EYS: variants seen among roughly 807,000 people sequenced by gnomAD.
The protein encoded by EYS is protein eyes shut homolog.
In EYS, 250 loss-of-function variants were observed where a neutral mutation model predicts 282.1. That is an observed-to-expected ratio of 0.89 (90% CI 0.80 to 0.98). The LOEUF (loss-of-function observed/expected upper bound fraction) is 0.98. EYS is among the 50% of genes least tolerant of loss of function. The pLI, the probability that EYS is intolerant of heterozygous loss-of-function variation, is 0.00. For synonymous variants in EYS, 1,355 were observed against 1,282.9 expected (o/e 1.06, Z -1.20); for missense variants, 4,016 against 3,709.0 (o/e 1.08, Z -2.15).
chr6:64,005,816 A>G (rs956251545), intron 33 of EYS, among the ~76,000 whole-genome samples: 1 of 151,810 alleles, frequency 6.6e-6, no homozygotes, highest in Non-Finnish European at 1.5e-5. Context: ...ATTCTGTTCC[A>G]TTGGTCTTTG....
At chr6:65,606,666 T>C (rs1376105224) in intron 2 of EYS, among the ~76,000 whole-genome samples, 2 of 151,776 alleles carry the variant, frequency 1.3e-5, no homozygotes, top group Non-Finnish European at 3.0e-5. Flanking sequence ...CTTTACAACA[T>C]CTGAACAATT....
At chr6:64,881,099 T>C (rs974453177) in intron 19 of EYS, among the ~76,000 whole-genome samples, 73 of 151,910 alleles carry the variant, frequency 4.8e-4, no homozygotes, top group Admixed American at 1.8e-3. Context: ...TTGTCCATCC[T>C]GATTACTGCA....
intron 22 of EYS, among the ~76,000 whole-genome samples, chr6:64,656,672 C>T (rs953854791): frequency 6.6e-6 from 1 of 152,084 alleles, no homozygotes; most frequent in Non-Finnish European, 1.5e-5. Flanking sequence ...ACCTGATAGA[C>T]TAAGAAAGCT....
chr6:65,016,708 A>G (rs900690002), intron 13 of EYS, among the ~76,000 whole-genome samples: 3 of 152,164 alleles, frequency 2.0e-5, no homozygotes. Flanking sequence ...GACAGTATAA[A>G]TTCTGTTTCT....
intron 1 of EYS, among the ~76,000 whole-genome samples, chr6:65,683,951 T>G (rs1034996901): frequency 6.6e-6 from 1 of 152,046 alleles, no homozygotes; most frequent in Admixed American, 6.6e-5. Context: ...AATGCTAATT[T>G]TGGACCAAAG....
At chr6:65,280,698 G>A (rs1490672430) in intron 12 of EYS, among the ~76,000 whole-genome samples, 1 of 151,538 alleles carries the variant, frequency 6.6e-6, no homozygotes, top group Non-Finnish European at 1.5e-5. Context: ...GCTATTTTAT[G>A]ATATTAATTC....
At chr6:65,079,744 G>A (rs1774172072) in intron 12 of EYS, among the ~76,000 whole-genome samples, 1 of 151,832 alleles carries the variant, frequency 6.6e-6, no homozygotes, top group Non-Finnish European at 1.5e-5. Flanking sequence ...ATATGTTTTA[G>A]GACAATATAC....
intron 22 of EYS, among the ~76,000 whole-genome samples, chr6:64,680,554 G>A (rs960828700): frequency 6.6e-6 from 1 of 152,104 alleles, no homozygotes; most frequent in Non-Finnish European, 1.5e-5. Context: ...GTATCTCACT[G>A]GAAATGGAAA....
intron 2 of EYS, among the ~76,000 whole-genome samples, chr6:65,585,153 G>A (rs751465110): frequency 6.6e-5 from 10 of 151,556 alleles, no homozygotes; most frequent in East Asian, 1.9e-4. Context: ...GCATTAATTC[G>A]ATAATTCAAG....
chr6:65,025,866 GA>G (rs912693369), intron 13 of EYS, among the ~76,000 whole-genome samples: 2 of 152,144 alleles, frequency 1.3e-5, no homozygotes, highest in Non-Finnish European at 2.9e-5. Flanking sequence ...AGGACCATTA[GA>G]AAAAACTCCC....
At chr6:64,581,224 A>T (rs918300119) in intron 26 of EYS, among the ~76,000 whole-genome samples, 3 of 152,130 alleles carry the variant, frequency 2.0e-5, no homozygotes, top group African/African-American at 7.2e-5. Context: ...CTAAGAGCAA[A>T]TGTTGGAGGA....
intron 29 of EYS, among the ~76,000 whole-genome samples, chr6:64,346,014 A>G (rs1771375220): frequency 6.6e-6 from 1 of 152,116 alleles, no homozygotes; most frequent in African/African-American, 2.4e-5. Context: ...ACCATCTCAC[A>G]CCGGTTAGAA....
intron 22 of EYS, among the ~76,000 whole-genome samples, chr6:64,676,137 T>G (rs1048608228): frequency 1.4e-5 from 2 of 145,836 alleles, no homozygotes; most frequent in Admixed American, 6.9e-5. Context: ...TCTAAGACTT[T>G]CATATTATTA....
chr6:63,791,664 A>G (rs1392118622), intron 37 of EYS, among the ~76,000 whole-genome samples: 1 of 152,076 alleles, frequency 6.6e-6, no homozygotes, highest in East Asian at 1.9e-4. Flanking sequence ...GAAACTGAAA[A>G]GGGAGAAAGG....
intron 31 of EYS, among the ~76,000 whole-genome samples, chr6:64,183,087 C>T (rs770878023): frequency 6.6e-6 from 1 of 152,122 alleles, no homozygotes. Context: ...TGAGTTCTCA[C>T]AAGATCCGAT....
intron 12 of EYS, among the ~76,000 whole-genome samples, chr6:65,215,400 A>G (rs2150255083): frequency 6.6e-6 from 1 of 152,324 alleles, no homozygotes; most frequent in East Asian, 1.9e-4. Flanking sequence ...CTAGAATTAG[A>G]AGAAGGGCCT....
chr6:65,574,868 C>T (rs536309223), intron 2 of EYS, among the ~76,000 whole-genome samples: 1 of 152,120 alleles, frequency 6.6e-6, no homozygotes, highest in South Asian at 2.1e-4. Context: ...TACTTTAGTC[C>T]ACAAAAGAAG....
At chr6:63,849,130 T>C (rs1047377905) in intron 36 of EYS, among the ~76,000 whole-genome samples, 1 of 152,138 alleles carries the variant, frequency 6.6e-6, no homozygotes, top group African/African-American at 2.4e-5. Flanking sequence ...CCAGACTGCC[T>C]CTCTAGATTC....
intron 2 of EYS, among the ~76,000 whole-genome samples, chr6:65,630,295 C>T (rs572507596): frequency 6.6e-6 from 1 of 152,174 alleles, no homozygotes; most frequent in Non-Finnish European, 1.5e-5. Context: ...GAGACTATCA[C>T]ATTACCTAGA....
Sources: gnomAD v4.1 joint callset for allele counts (sites outside exome capture counted in the v4.1 genomes callset) on GRCh38, gnomAD v4.1.1 for gene constraint, MANE v1.5 for transcripts, NCBI Gene and HGNC (gene_info 2026-07-23, HGNC 2026-07-21) for gene names.